Variants in ALK observed in about 807,000 individuals in gnomAD.
ALK encodes the protein ALK tyrosine kinase receptor.
Under a neutral mutation model 163.1 loss-of-function variants are expected in ALK, and 74 were observed. The observed-to-expected ratio is 0.45, with a 90% CI of 0.38 to 0.55. ALK has a LOEUF of 0.55. Ranked by LOEUF, ALK falls within the 20% of genes least tolerant of loss-of-function variation. The pLI is 0.00. For synonymous variants in ALK, 960 were observed against 843.2 expected, an observed-to-expected ratio of 1.14 and a Z score of -2.40; for missense variants, 2,063 against 2,105.3, an observed-to-expected ratio of 0.98 and a Z score of 0.39.
intron 1 of ALK, among the ~76,000 whole-genome samples, chr2:29,871,399 T>A (rs1666573691): frequency 6.6e-6 from 1 of 152,166 alleles, no homozygotes; most frequent in Non-Finnish European, 1.5e-5. Context: ...ACAACTACAC[T>A]CCCTGTATAG....
Position 29,618,785 on chromosome 2 carries a change from C to T in ALK, c.952+76065G>A, listed in dbSNP as rs576707241. ...TACCAGGTCAGGAGTTCAAGACCAGCCTGGCCAATATGCTGAAACCCCATC... is the reference window on the plus strand; with the variant it reads ...TACCAGGTCAGGAGTTCAAGACCAGTCTGGCCAATATGCTGAAACCCCATC... On this transcript the variant is annotated intron_variant, in intron 3 of 28. Coordinates refer to ENST00000389048, the MANE Select transcript of ALK (RefSeq NM_004304.5). Among the ~76,000 whole-genome samples the T allele has an allele frequency of 2.6e-5, 4 of 152,288 alleles. No individual in the cohort carries two copies. The East Asian group carries it at 7.7e-4, about 29-fold the overall frequency.
chr2:29,264,747 T>C (rs1042232663), intron 11 of ALK, among the ~76,000 whole-genome samples: 2 of 152,112 alleles, frequency 1.3e-5, no homozygotes, highest in South Asian at 4.1e-4. Context: ...AGTGAGTGGG[T>C]GCTGGGACAC....
chr2:29,385,382 G>GTT (rs59445973), intron 4 of ALK, among the ~76,000 whole-genome samples: 31 of 138,322 alleles, frequency 2.2e-4, no homozygotes, highest in Non-Finnish European at 3.0e-4. Context: ...CTGTCAGGTT[G>GTT]TTTTTTTTTT....
intron 6 of ALK, among the ~76,000 whole-genome samples, chr2:29,324,996 G>A (rs546993682): frequency 1.4e-4 from 21 of 152,300 alleles, no homozygotes; most frequent in Middle Eastern, 6.8e-3. Flanking sequence ...ATCCAGTTAC[G>A]TTGCCCAGAG....
intron 9 of ALK, among the ~76,000 whole-genome samples, chr2:29,281,790 C>T (rs1372156953): frequency 1.3e-5 from 2 of 152,220 alleles, no homozygotes; most frequent in African/African-American, 2.4e-5. Context: ...TTGGGCGCCT[C>T]GGAGACTCAT....
intron 4 of ALK, among the ~76,000 whole-genome samples, chr2:29,418,319 A>C (rs544865972): frequency 6.6e-6 from 1 of 152,332 alleles, no homozygotes; most frequent in Admixed American, 6.5e-5. Flanking sequence ...TAGAAAACCT[A>C]GCCCCGAGGT....
rs577626150 is a variant in ALK, at chr2:29,744,679, C to T, written c.668-26982G>A. Reference sequence around the variant, plus strand: ...GCAGTGTTTCAATCACAGCTCATGGCAGCCTCGACCTTCTGAGCTGATGCT... The same window carrying T: ...GCAGTGTTTCAATCACAGCTCATGGTAGCCTCGACCTTCTGAGCTGATGCT... On this transcript the variant is annotated intron_variant, in intron 1 of 28. Transcript: ENST00000389048. Among the ~76,000 whole-genome samples, 4 of 152,248 alleles carry T rather than the reference C, an allele frequency of 2.6e-5. No homozygotes were observed. The South Asian group carries it at 8.3e-4, about 32-fold the overall frequency.
intron 4 of ALK, among the ~76,000 whole-genome samples, chr2:29,386,828 C>T (rs1474929570): frequency 1.3e-5 from 2 of 152,202 alleles, no homozygotes; most frequent in Non-Finnish European, 2.9e-5. Context: ...AAAGGGCAAG[C>T]TTATATCTAG....
chr2:29,360,083 CTCT>C (rs1668352649), intron 5 of ALK, among the ~76,000 whole-genome samples: 1 of 152,192 alleles, frequency 6.6e-6, no homozygotes, highest in South Asian at 2.1e-4. Flanking sequence ...TCAGGGATCT[CTCT>C]TCTTCTCAGG....
rs1021788878 is a variant in ALK, at chr2:29,357,804, G to A, written c.1282+25928C>T. 3.5e-4 allele frequency among the ~76,000 whole-genome samples: 53 copies of A among 152,318 alleles called. No individual in the cohort carries two copies. The Middle Eastern group carries it at 0.01, about 29-fold the overall frequency. On this transcript the variant is annotated intron_variant, in intron 5 of 28. Coordinates refer to ENST00000389048, the MANE Select transcript of ALK (RefSeq NM_004304.5). ...GAACTAAGCTATGATCTTCCTGGAGGGGTAGGAGGAAAGGATTATTCCCTT... is the reference window on the plus strand; with the variant it reads ...GAACTAAGCTATGATCTTCCTGGAGAGGTAGGAGGAAAGGATTATTCCCTT...
chr2:29,663,082 G>A (rs1024745733), intron 3 of ALK, among the ~76,000 whole-genome samples: 4 of 151,958 alleles, frequency 2.6e-5, no homozygotes, highest in Admixed American at 6.6e-5. Context: ...TAAACAACAC[G>A]GTCTTCCCAT....
chr2:29,900,124 C>T (rs1303159700), intron 1 of ALK, among the ~76,000 whole-genome samples: 20 of 152,278 alleles, frequency 1.3e-4, no homozygotes, highest in Admixed American at 1.3e-3. Flanking sequence ...ACGCCAATTT[C>T]CCTGTCTTGC....
chr2:29,421,912 G>T (rs1670025680), intron 4 of ALK, among the ~76,000 whole-genome samples: 1 of 151,650 alleles, frequency 6.6e-6, no homozygotes, highest in African/African-American at 2.4e-5. Context: ...AAGAACTTTT[G>T]TTTGCTAGAA....
chr2:29,734,827 G>T (rs1679847564), intron 1 of ALK, among the ~76,000 whole-genome samples: 1 of 151,856 alleles, frequency 6.6e-6, no homozygotes, highest in African/African-American at 2.4e-5. Context: ...AAATTTAATA[G>T]ATATTTTGGT....
rs1664027021 is a variant in ALK at position 29,227,144 on chromosome 2, C to G, written c.2915-70G>C. On this transcript the variant is annotated intron_variant, in intron 17 of 28. Coordinates refer to ENST00000389048, the MANE Select transcript of ALK (RefSeq NM_004304.5). The surrounding 1 kb of genome is among the most constrained non-coding windows in gnomAD (Gnocchi z 4.4). ...CCCACTCCCAGCCTCAGTACTATGTCTCCAGGTGGTCACTGTGGGTGCTCT... is the reference window on the plus strand; with the variant it reads ...CCCACTCCCAGCCTCAGTACTATGTGTCCAGGTGGTCACTGTGGGTGCTCT... 6.2e-7 allele frequency: 1 copy of G among 1,606,774 alleles called. No individual in the cohort carries two copies. The highest frequency in any genetic ancestry group is 2.2e-5 in the East Asian group (1 of 44,834).
At chr2:29,802,307 G>A (rs1572390608) in intron 1 of ALK, among the ~76,000 whole-genome samples, 2 of 113,918 alleles carry the variant, frequency 1.8e-5, no homozygotes, top group South Asian at 3.5e-4. Flanking sequence ...AGGAGGGGAG[G>A]GAAGGGGATG....
chr2:29,427,457 T>C (rs1670172047), intron 4 of ALK, among the ~76,000 whole-genome samples: 1 of 152,074 alleles, frequency 6.6e-6, no homozygotes, highest in Non-Finnish European at 1.5e-5. Context: ...TGTATCTCAC[T>C]GGAATTAAGT....
chr2:29,230,185 A>G (rs1664155899), intron 15 of ALK, among the ~76,000 whole-genome samples: 1 of 152,004 alleles, frequency 6.6e-6, no homozygotes, highest in Non-Finnish European at 1.5e-5. Flanking sequence ...TAAAAAAATC[A>G]TCTCTAGATT....
chr2:29,418,012 C>A (rs938540809), intron 4 of ALK, among the ~76,000 whole-genome samples: 1 of 152,176 alleles, frequency 6.6e-6, no homozygotes, highest in African/African-American at 2.4e-5. Flanking sequence ...GCTTCACACC[C>A]CTGGGGCATG....
Sources: allele counts gnomAD v4.1 joint callset (sites outside exome capture counted in the v4.1 genomes callset), GRCh38; gene constraint gnomAD v4.1.1; non-coding constraint Gnocchi (gnomAD v3.1); transcripts MANE v1.5; gene names NCBI Gene and HGNC (gene_info 2026-07-23, HGNC 2026-07-21).